CDH13: variants seen among roughly 807,000 people sequenced by gnomAD.
The protein encoded by CDH13 is cadherin 13, also known as cadherin-13.
CDH13 carries 24 observed loss-of-function variants against 63.8 expected under a neutral mutation model. That is an observed-to-expected ratio of 0.38 (90% CI 0.27 to 0.53). The LOEUF is 0.53. CDH13 is among the 20% of genes least tolerant of loss of function. The pLI is 0.85. For missense variants in CDH13, 1,049 were observed against 903.1 expected, an observed-to-expected ratio of 1.16 and a Z score of -2.07; for synonymous variants, 503 against 355.3, an observed-to-expected ratio of 1.42 and a Z score of -4.67.
At chr16:82,812,488 A>T (rs980126537) in intron 1 of CDH13, among the ~76,000 whole-genome samples, 3 of 152,026 alleles carry the variant, frequency 2.0e-5, no homozygotes, top group Non-Finnish European at 4.4e-5. Flanking sequence ...AAGCCAGGTG[A>T]GGTGGTGGAG....
intron 4 of CDH13, among the ~76,000 whole-genome samples, chr16:83,210,845 A>T (rs1365242512): frequency 2.3e-5 from 3 of 132,448 alleles, no homozygotes; most frequent in African/African-American, 3.3e-5. Context: ...ATTTTGGATT[A>T]AAAAAAAAAA....
chr16:83,344,862 C>T lies in CDH13; in HGVS notation c.637C>T (p.Leu213=). The part of the protein sequence containing the change: ...LDREVIAVYQ[L]FVETTDVNGK... ...TCCCCCAATCTCTTTGCTCAAATAG[C>T]TATTTGTGGAGACCACTGATGTCAA... The change falls in exon 6 of 14, where the codon CTA becomes TTA. Residue 213 remains leucine, a splice_region_variant and synonymous_variant. Transcript: ENST00000567109. The T allele has an allele frequency of 6.2e-7, 1 of 1,613,550 alleles. No individual in the cohort carries two copies. The highest frequency in any genetic ancestry group is 1.1e-5 in the South Asian group (1 of 91,042).
At chr16:83,743,892 G>C (rs961874459) in intron 10 of CDH13, among the ~76,000 whole-genome samples, 1 of 151,624 alleles carries the variant, frequency 6.6e-6, no homozygotes, top group African/African-American at 2.4e-5. Context: ...CACCACCCCA[G>C]CCTTAGGCAT....
intron 4 of CDH13, among the ~76,000 whole-genome samples, chr16:83,195,710 T>A (rs1264940973): frequency 6.6e-6 from 1 of 151,830 alleles, no homozygotes; most frequent in Non-Finnish European, 1.5e-5. Context: ...ACCATAGCAA[T>A]ATGTAAAGAA....
At chr16:83,211,474 C>T (rs1388508114) in intron 4 of CDH13, among the ~76,000 whole-genome samples, 7 of 152,140 alleles carry the variant, frequency 4.6e-5, no homozygotes, top group Non-Finnish European at 8.8e-5. Flanking sequence ...TAAAACCACT[C>T]AAAGCTGCTA....
chr16:83,789,540 G>T (rs1008733188), intron 13 of CDH13, among the ~76,000 whole-genome samples: 1 of 151,796 alleles, frequency 6.6e-6, no homozygotes, highest in African/African-American at 2.4e-5. Context: ...GTAGAGACAG[G>T]GTTTCGCCAT....
At chr16:82,996,129 A>C (rs533077978) in intron 2 of CDH13, among the ~76,000 whole-genome samples, 2 of 152,198 alleles carry the variant, frequency 1.3e-5, no homozygotes, top group South Asian at 4.2e-4. Context: ...AGATGAAATA[A>C]TTCTTCCATT....
At chr16:82,716,974 G>A (rs187922052) in intron 1 of CDH13, among the ~76,000 whole-genome samples, 7 of 151,968 alleles carry the variant, frequency 4.6e-5, no homozygotes, top group African/African-American at 9.7e-5. Flanking sequence ...AGATTCCTTC[G>A]TCCAGACAGG....
chr16:83,255,983 T>C (rs1473361966), intron 5 of CDH13, among the ~76,000 whole-genome samples: 1 of 152,166 alleles, frequency 6.6e-6, no homozygotes, highest in Non-Finnish European at 1.5e-5. Flanking sequence ...CAGACCCAAC[T>C]TCCTAGGGCC....
chr16:83,134,084 C>A (rs989877974), intron 4 of CDH13, among the ~76,000 whole-genome samples: 16 of 152,212 alleles, frequency 1.1e-4, no homozygotes, highest in African/African-American at 3.9e-4. Context: ...ATTATATGAT[C>A]AGTCTGGATA....
chr16:83,096,213 G>C lies in CDH13; in HGVS notation c.367-29172G>C, dbSNP rs557581548. ...TGTGGACTTTGTCCTTGTGAATCTG[G>C]TAAAAGTTAATCATCAGGTCTCAGG... is the stretch of plus-strand genomic sequence containing the variant. On this transcript the variant is annotated intron_variant, in intron 3 of 13. Transcript: ENST00000567109. Among the ~76,000 whole-genome samples the C allele has an allele frequency of 3.3e-5, 5 of 152,278 alleles. No homozygotes were observed. In the South Asian group the frequency reaches 8.3e-4, roughly 25 times the overall value.
intron 7 of CDH13, among the ~76,000 whole-genome samples, chr16:83,551,700 C>G (rs2075502396): frequency 6.6e-6 from 1 of 152,112 alleles, no homozygotes; most frequent in African/African-American, 2.4e-5. Flanking sequence ...TGATTCTTGT[C>G]CTCCCTTGGA....
intron 5 of CDH13, among the ~76,000 whole-genome samples, chr16:83,264,457 C>T (rs1296327132): frequency 6.6e-6 from 1 of 151,120 alleles, no homozygotes; most frequent in Non-Finnish European, 1.5e-5. Flanking sequence ...ATATATACAT[C>T]GTATATATGT....
chr16:83,533,532 C>G (rs766475763), intron 7 of CDH13, among the ~76,000 whole-genome samples: 4 of 152,008 alleles, frequency 2.6e-5, no homozygotes, highest in Non-Finnish European at 5.9e-5. Context: ...GCAGTAAGGA[C>G]CCAGCACAAG....
At chr16:83,016,413 A>C (rs115896908) in intron 2 of CDH13, among the ~76,000 whole-genome samples, 1 of 152,286 alleles carries the variant, frequency 6.6e-6, no homozygotes. Context: ...TTGATTGCCA[A>C]CTCTCTTCTA....
Position 83,576,320 on chromosome 16 carries a change from G to A in CDH13, c.961-26134G>A, listed in dbSNP as rs575219690. Among the ~76,000 whole-genome samples the A allele has an allele frequency of 4.1e-4, 62 of 152,300 alleles. No individual in the cohort carries two copies. In the South Asian group the frequency reaches 7.1e-3, roughly 17 times the overall value. On this transcript the variant is annotated intron_variant, in intron 7 of 13. Coordinates refer to ENST00000567109, the MANE Select transcript of CDH13 (RefSeq NM_001257.5). ...CATAATGTTTTCAAGGTTCTTCCAT[G>A]TTGTAGCATGCATCAGTATTTCATC...
intron 7 of CDH13, among the ~76,000 whole-genome samples, chr16:83,491,568 G>GTTTTTTTTTTTTTTT (rs57321427): frequency 7.0e-6 from 1 of 143,210 alleles, no homozygotes; most frequent in Non-Finnish European, 1.5e-5. Flanking sequence ...AATGGTCAGG[G>GTTTTTTTTTTTTTTT]TTTTTTTTTT....
At position 82,660,767 on chromosome 16, in the gene CDH13, T is replaced by C. The variant is rs138493658; in HGVS notation, c.45+33630T>C. ...AGCTTGATTTGTAGGGCTTTCAGCATGGCGGGTGGTTTTCTTTCCCCCCTC... is the reference window on the plus strand; with the variant it reads ...AGCTTGATTTGTAGGGCTTTCAGCACGGCGGGTGGTTTTCTTTCCCCCCTC... On this transcript the variant is annotated intron_variant, in intron 1 of 13. Coordinates refer to ENST00000567109, the MANE Select transcript of CDH13 (RefSeq NM_001257.5). 4.5e-3 allele frequency among the ~76,000 whole-genome samples: 681 copies of C among 152,330 alleles called. 2 individuals are homozygous for C. Among genetic ancestry groups the C allele is most frequent in the Non-Finnish European group, 7.0e-3 (475 of 68,026 alleles).
At chr16:83,138,157 GAAGA>G (rs2036378786) in intron 4 of CDH13, among the ~76,000 whole-genome samples, 2 of 152,260 alleles carry the variant, frequency 1.3e-5, no homozygotes, top group African/African-American at 2.4e-5. Context: ...GACAAGTGAT[GAAGA>G]AAGAGAGTCA....
Sources: gnomAD v4.1 joint callset for allele counts (sites outside exome capture counted in the v4.1 genomes callset) on GRCh38, gnomAD v4.1.1 for gene constraint, MANE v1.5 for transcripts, NCBI Gene and HGNC (gene_info 2026-07-23, HGNC 2026-07-21) for gene names.